Variants in MLLT10 observed in about 807,000 individuals in gnomAD.
MLLT10 encodes protein AF-10.
In MLLT10, 30 loss-of-function variants were observed where a neutral mutation model predicts 129.1. That is an observed-to-expected ratio of 0.23 (90% CI 0.17 to 0.32). MLLT10 has a LOEUF of 0.32. Among genes scored for constraint, MLLT10 ranks in the 10% least tolerant of loss-of-function variants. The probability of loss-of-function intolerance (pLI) is 1.00; values close to 1 mark genes in which losing one functional copy is unlikely to be tolerated. For missense variants in MLLT10, 1,119 were observed against 1,268.3 expected (o/e 0.88, Z 1.79); for synonymous variants, 490 against 446.4 (o/e 1.10, Z -1.23).
At chr10:21,560,932 T>G (rs2038723468) in intron 3 of MLLT10, among the ~76,000 whole-genome samples, 1 of 152,214 alleles carries the variant, frequency 6.6e-6, no homozygotes, top group South Asian at 2.1e-4. Flanking sequence ...CTTTTTGTTG[T>G]TGAAATGTCA....
At chr10:21,556,700 G>A (rs1383040927) in intron 3 of MLLT10, 5 of 1,612,412 alleles carry the variant, frequency 3.1e-6, no homozygotes, top group Non-Finnish European at 4.2e-6. Context: ...TGGATACATA[G>A]AACATCACTG....
intron 5 of MLLT10, among the ~76,000 whole-genome samples, chr10:21,609,337 G>A (rs2044366348): frequency 6.6e-6 from 1 of 152,174 alleles, no homozygotes. Context: ...CTTATGCACA[G>A]TCTTTTGACC....
At chr10:21,697,513 G>A (rs2054495868) in intron 13 of MLLT10, among the ~76,000 whole-genome samples, 2 of 151,996 alleles carry the variant, frequency 1.3e-5, no homozygotes, top group African/African-American at 4.8e-5. Context: ...TCCTACTTTC[G>A]CATGTATTTC....
chr10:21,565,452 C>T (rs1241954198), intron 3 of MLLT10, among the ~76,000 whole-genome samples: 2 of 151,930 alleles, frequency 1.3e-5, no homozygotes, highest in South Asian at 2.1e-4. Flanking sequence ...GGATTACAGG[C>T]GCCCGCCACC....
In MLLT10 at chr10:21,627,868, A is replaced by T. The variant is rs144163813; in HGVS notation, c.699+10661A>T. On this transcript the variant is annotated intron_variant, in intron 8 of 22. Coordinates refer to ENST00000307729, the MANE Select transcript of MLLT10 (RefSeq NM_001195626.3). ...AAACAGTAAGAAATAATTAGACTGC[A>T]TCTTCCACCGAATACCTAGAAATCT... Among the ~76,000 whole-genome samples the T allele has an allele frequency of 8.7e-4, 132 of 152,302 alleles. 2 individuals are homozygous for T. In the East Asian group the frequency reaches 0.025, roughly 29 times the overall value.
At chr10:21,624,834 C>T (rs987080729) in intron 8 of MLLT10, 201 of 1,092,100 alleles carry the variant, frequency 1.8e-4, no homozygotes, top group Non-Finnish European at 2.5e-4. Context: ...GCCACGGCCT[C>T]TCTGCTGTTG....
intron 13 of MLLT10, among the ~76,000 whole-genome samples, chr10:21,694,752 T>G (rs1426477999): frequency 6.6e-6 from 1 of 152,224 alleles, no homozygotes; most frequent in Non-Finnish European, 1.5e-5. Flanking sequence ...GTTAGCAGCT[T>G]AAAACCACAC....
chr10:21,707,442 C>T (rs1292554723), intron 13 of MLLT10, among the ~76,000 whole-genome samples: 2 of 152,044 alleles, frequency 1.3e-5, no homozygotes, highest in East Asian at 1.9e-4. Context: ...CCGCCCGTCT[C>T]GGCCTCCCAA....
At chr10:21,571,333 A>G (rs1263143407) in intron 3 of MLLT10, among the ~76,000 whole-genome samples, 4 of 152,030 alleles carry the variant, frequency 2.6e-5, no homozygotes, top group Non-Finnish European at 4.4e-5. Flanking sequence ...CTCTCTCTCC[A>G]GCTCTCTACT....
intron 3 of MLLT10, among the ~76,000 whole-genome samples, chr10:21,585,339 C>G (rs2041893186): frequency 6.6e-6 from 1 of 152,038 alleles, no homozygotes; most frequent in Non-Finnish European, 1.5e-5. Flanking sequence ...GCCACTGAAA[C>G]TTACTGTGTT....
intron 4 of MLLT10, among the ~76,000 whole-genome samples, chr10:21,593,733 C>A (rs1296056872): frequency 6.6e-6 from 1 of 151,566 alleles, no homozygotes; most frequent in Non-Finnish European, 1.5e-5. Context: ...TCGAGACCAG[C>A]CTGGTCAACA....
At chr10:21,590,130 G>T (rs991128102) in intron 4 of MLLT10, among the ~76,000 whole-genome samples, 1 of 151,898 alleles carries the variant, frequency 6.6e-6, no homozygotes, top group Non-Finnish European at 1.5e-5. Context: ...GTAGAGACAC[G>T]TCGTCTCACT....
intron 3 of MLLT10, among the ~76,000 whole-genome samples, chr10:21,539,617 C>G (rs1201687303): frequency 2.0e-5 from 3 of 151,692 alleles, no homozygotes; most frequent in Non-Finnish European, 4.4e-5. Context: ...ACTACAAATA[C>G]AAAAATTAGC....
chr10:21,584,960 C>G (rs570877988), intron 3 of MLLT10, among the ~76,000 whole-genome samples: 38 of 151,642 alleles, frequency 2.5e-4, no homozygotes, highest in African/African-American at 8.7e-4. Context: ...CTCTGTAACC[C>G]AGGCTGGAGT....
intron 13 of MLLT10, among the ~76,000 whole-genome samples, chr10:21,683,798 G>C (rs2052997338): frequency 6.6e-6 from 1 of 151,618 alleles, no homozygotes; most frequent in African/African-American, 2.4e-5. Context: ...CCAGGTTGGA[G>C]TGCAGTGGCG....
chr10:21,579,618 A>C (rs1379004899), intron 3 of MLLT10, among the ~76,000 whole-genome samples: 1 of 147,684 alleles, frequency 6.8e-6, no homozygotes, highest in Non-Finnish European at 1.5e-5. Context: ...ACTGGAGTGC[A>C]GTGGTGCGAT....
At chr10:21,695,036 G>GCATCTT (rs1375066423) in intron 13 of MLLT10, among the ~76,000 whole-genome samples, 8 of 149,088 alleles carry the variant, frequency 5.4e-5, no homozygotes, top group African/African-American at 2.0e-4. Context: ...CTCTTCTGCC[G>GCATCTT]CATCTTTCAC....
intron 8 of MLLT10, chr10:21,625,196 T>C: frequency 6.7e-7 from 1 of 1,485,588 alleles, no homozygotes; most frequent in South Asian, 1.1e-5. Context: ...TCTGGAGGCC[T>C]GTCTAGCAGC....
intron 9 of MLLT10, among the ~76,000 whole-genome samples, chr10:21,663,185 A>G (rs1327849020): frequency 6.6e-6 from 1 of 152,158 alleles, no homozygotes. Context: ...TAAAATTCAC[A>G]AAAGTGTGAG....
Sources: allele counts gnomAD v4.1 joint callset (sites outside exome capture counted in the v4.1 genomes callset), GRCh38; gene constraint gnomAD v4.1.1; transcripts MANE v1.5; gene names NCBI Gene and HGNC (gene_info 2026-07-23, HGNC 2026-07-21).